ASXL1: variants seen among roughly 807,000 people sequenced by gnomAD.
ASXL1 encodes ASXL transcriptional regulator 1, also known as polycomb group protein ASXL1.
ASXL1 carries 65 observed loss-of-function variants against 89.1 expected under a neutral mutation model. The observed-to-expected ratio is 0.73, with a 90% CI of 0.60 to 0.90. The LOEUF is 0.90. Ranked by LOEUF, ASXL1 falls within the 40% of genes least tolerant of loss-of-function variation. The pLI is 0.00. For missense variants in ASXL1, 1,786 were observed against 1,942.9 expected (o/e 0.92, Z 1.52); for synonymous variants, 739 against 746.9 (o/e 0.99, Z 0.17).
At chr20:32,365,023 A>G (rs1212259760) in intron 1 of ASXL1, among the ~76,000 whole-genome samples, 1 of 152,194 alleles carries the variant, frequency 6.6e-6, no homozygotes, top group Non-Finnish European at 1.5e-5. Flanking sequence ...GAATTAGGTG[A>G]TTATACAGGC....
chr20:32,363,069 G>A (rs183479021), intron 1 of ASXL1, among the ~76,000 whole-genome samples: 225 of 152,184 alleles, frequency 1.5e-3, no homozygotes, highest in Non-Finnish European at 2.1e-3. Flanking sequence ...TCTAGAAAGA[G>A]ACTAGGAATA....
chr20:32,435,220 T>G lies in ASXL1; in HGVS notation c.2508T>G (p.Thr836=), dbSNP rs1024885826. 4 of 1,613,992 alleles carry G rather than the reference T, an allele frequency of 2.5e-6. No homozygotes were observed. The highest frequency in any genetic ancestry group is 3.4e-6 in the Non-Finnish European group (4 of 1,180,010). The change falls in exon 13 of 13, where the codon ACT becomes ACG. Residue 836 remains threonine (T), a synonymous_variant. Coordinates refer to ENST00000375687, the MANE Select transcript of ASXL1 (RefSeq NM_015338.6). ...GCCAAGCTCTTGACAGTCATCCCACTATGAAGGATCCTGTAAATGTGACCC... is the reference window on the plus strand; with the variant it reads ...GCCAAGCTCTTGACAGTCATCCCACGATGAAGGATCCTGTAAATGTGACCC... ...GTGQALDSHP[T]MKDPVNVTPS... is the part of the protein sequence containing the mutation.
At chr20:32,410,436 C>T (rs1002404139) in intron 4 of ASXL1, among the ~76,000 whole-genome samples, 2 of 152,108 alleles carry the variant, frequency 1.3e-5, no homozygotes, top group Non-Finnish European at 2.9e-5. Flanking sequence ...CCACTGTGCC[C>T]AGCCCCCCAA....
chr20:32,386,614 C>T (rs1253265201), intron 4 of ASXL1, among the ~76,000 whole-genome samples: 2 of 151,924 alleles, frequency 1.3e-5, no homozygotes, highest in African/African-American at 2.4e-5. Context: ...GATGGGGTTT[C>T]GCCATGTTGA....
At position 32,364,546 on chromosome 20, in the gene ASXL1, A is replaced by G. The variant is rs536445815; in HGVS notation, c.58-1838A>G. On this transcript the variant is annotated intron_variant, in intron 1 of 12. Coordinates refer to ENST00000375687, the MANE Select transcript of ASXL1 (RefSeq NM_015338.6). The stretch of plus-strand genomic sequence containing the variant: ...TATATTTTTTAAATTCTTTAAAGAG[A>G]TGAGGTTTCACTGTGTTACCCAGGC... Among the ~76,000 whole-genome samples, 3 of 152,240 alleles carry G rather than the reference A, an allele frequency of 2.0e-5. No individual in the cohort carries two copies. In the East Asian group the frequency reaches 5.8e-4, roughly 29 times the overall value.
chr20:32,404,429 T>TG (rs2048922196), intron 4 of ASXL1, among the ~76,000 whole-genome samples: 2 of 152,240 alleles, frequency 1.3e-5, no homozygotes, highest in South Asian at 4.1e-4. Flanking sequence ...GCTTTTAATT[T>TG]TTGTTTCTAA....
intron 4 of ASXL1, among the ~76,000 whole-genome samples, chr20:32,389,472 C>G (rs1238374343): frequency 1.3e-5 from 2 of 152,114 alleles, no homozygotes; most frequent in African/African-American, 4.8e-5. Context: ...GTATATGTTG[C>G]TGGGAATGGG....
intron 4 of ASXL1, among the ~76,000 whole-genome samples, chr20:32,421,640 TG>T (rs2049251725): frequency 6.6e-6 from 1 of 152,108 alleles, no homozygotes; most frequent in South Asian, 2.1e-4. Flanking sequence ...AATATACAAA[TG>T]GTTGTATATG....
chr20:32,433,657 G>T lies in ASXL1; in HGVS notation c.1459G>T (p.Ala487Ser), dbSNP rs2123263679. Reference sequence around the variant, plus strand: ...TCCCGAATTCCCAGTTGAGTCTGTGGCTTCTCGGATCCAGGCTGAGCCAGA... The same window carrying T: ...TCCCGAATTCCCAGTTGAGTCTGTGTCTTCTCGGATCCAGGCTGAGCCAGA... Reference protein sequence around the residue: ...EGPEFPVESVASRIQAEPDNL... With the variant: ...EGPEFPVESVSSRIQAEPDNL... Residue 487 changes from alanine (A) to serine (S), a missense_variant, in exon 12 of 13, where the codon GCT (alanine) becomes TCT (serine). By Grantham distance (99) the Ala-to-Ser change is moderately conservative. Coordinates refer to ENST00000375687, the MANE Select transcript of ASXL1 (RefSeq NM_015338.6). 1 of 1,611,754 alleles carries T rather than the reference G, an allele frequency of 6.2e-7. No individual in the cohort carries two copies. The highest frequency in any genetic ancestry group is 8.5e-7 in the Non-Finnish European group (1 of 1,178,082).
chr20:32,390,460 C>T (rs2048652178), intron 4 of ASXL1, among the ~76,000 whole-genome samples: 1 of 152,066 alleles, frequency 6.6e-6, no homozygotes. Context: ...AATCCCCACC[C>T]ATGATTCTTT....
intron 4 of ASXL1, among the ~76,000 whole-genome samples, chr20:32,388,231 G>A (rs1401230828): frequency 6.6e-6 from 1 of 152,110 alleles, no homozygotes; most frequent in Non-Finnish European, 1.5e-5. Context: ...CTGGAATGCG[G>A]TGGCTTGATC....
At chr20:32,390,435 T>G (rs184921789) in intron 4 of ASXL1, among the ~76,000 whole-genome samples, 2 of 152,322 alleles carry the variant, frequency 1.3e-5, no homozygotes, top group East Asian at 1.9e-4. Flanking sequence ...TTGACAGATC[T>G]ATATACAGAT....
At chr20:32,385,209 T>A (rs1183083068) in intron 4 of ASXL1, among the ~76,000 whole-genome samples, 1 of 152,206 alleles carries the variant, frequency 6.6e-6, no homozygotes, top group East Asian at 1.9e-4. Context: ...TGTTTCCAAG[T>A]CCTATAATAA....
rs2011506329 is a variant in ASXL1, at chr20:32,431,335, A to C, written c.733A>C (p.Asn245His). 3.1e-6 allele frequency: 5 copies of C among 1,614,196 alleles called. No homozygotes were observed. The highest frequency in any genetic ancestry group is 4.2e-6 in the Non-Finnish European group (5 of 1,180,032). ...RKPATGQMKR[N>H]RGEEIDFETP... Reference sequence around the variant, plus strand: ...AAAAATCATAGGTCAAATGAAGCGCAACAGAGGGGAAGAAATAGATTTTGA... The same window carrying C: ...AAAAATCATAGGTCAAATGAAGCGCCACAGAGGGGAAGAAATAGATTTTGA... Residue 245 changes from asparagine (N) to histidine (H), a missense_variant, in exon 9 of 13, where the codon AAC becomes CAC. By Grantham distance (68) the Asn-to-His change is moderately conservative. This residue lies in a region of ASXL1 where 332 missense variants were observed against 449.7 expected (regional missense o/e 0.74). Coordinates refer to ENST00000375687, the MANE Select transcript of ASXL1 (RefSeq NM_015338.6).
chr20:32,437,164 C>T lies in ASXL1; in HGVS notation c.4452C>T (p.His1484=), dbSNP rs778103073. 9 of 1,613,850 alleles carry T rather than the reference C, an allele frequency of 5.6e-6. No homozygotes were observed. The highest frequency in any genetic ancestry group is 1.1e-5 in the South Asian group (1 of 91,092). ...LSHKANFGAS[H]SASLSLQMFT... ...ACAAAGCAAACTTTGGTGCGAGCCA[C>T]AGTGCATCACTTTCCTTGCAAATGT... Residue 1484 remains histidine, a synonymous_variant, in exon 13 of 13, where the codon CAC becomes CAT. Transcript: ENST00000375687.
chr20:32,376,464 C>G (rs1257622953), intron 4 of ASXL1, among the ~76,000 whole-genome samples: 2 of 151,174 alleles, frequency 1.3e-5, no homozygotes, highest in African/African-American at 4.9e-5. Context: ...TTAGTAGAGA[C>G]AGGGTTTTAC....
At chr20:32,367,688 G>T in intron 2 of ASXL1, 39 bp from the exon 3 acceptor site, 1 of 780,572 alleles carries the variant, frequency 1.3e-6, no homozygotes. Flanking sequence ...TTCCCATCAT[G>T]CTGCTGTCTG....
chr20:32,377,244 G>A (rs984090225), intron 4 of ASXL1, among the ~76,000 whole-genome samples: 2 of 144,504 alleles, frequency 1.4e-5, no homozygotes, highest in Non-Finnish European at 3.0e-5. Flanking sequence ...CCTTAGCCTC[G>A]CAAAGTGCTG....
intron 6 of ASXL1, chr20:32,428,954 C>A: frequency 2.9e-6 from 1 of 345,568 alleles, no homozygotes; most frequent in Non-Finnish European, 5.6e-6. Flanking sequence ...AGTCACCATG[C>A]CTAGCCTGAT....
Sources: gnomAD v4.1 joint callset for allele counts (sites outside exome capture counted in the v4.1 genomes callset) on GRCh38, gnomAD v4.1.1 for gene constraint, gnomAD v4.1.1 regional missense constraint, MANE v1.5 for transcripts, NCBI Gene and HGNC (gene_info 2026-07-23, HGNC 2026-07-21) for gene names.